CHM: variants seen among roughly 807,000 people sequenced by gnomAD.
CHM encodes CHM Rab escort protein, also known as rab proteins geranylgeranyltransferase component A 1.
CHM carries 10 observed loss-of-function variants against 49.0 expected under a neutral mutation model. The ratio of observed to expected loss-of-function variants is 0.20; its 90% CI spans 0.13 to 0.35. CHM has a LOEUF of 0.35. Among genes scored for constraint, CHM ranks in the 10% least tolerant of loss-of-function variants. The pLI, the probability that CHM is intolerant of heterozygous loss-of-function variation, is 1.00. For synonymous variants in CHM, 184 were observed against 167.5 expected, an observed-to-expected ratio of 1.10 and a Z score of -0.76; for missense variants, 455 against 478.4, an observed-to-expected ratio of 0.95 and a Z score of 0.46.
intron 11 of CHM, among the ~76,000 whole-genome samples, chrX:85,897,126 T>C (rs1181734251): frequency 5.9e-5 from 2 of 33,648 alleles, no homozygotes; most frequent in African/African-American, 3.4e-4. Flanking sequence ...GTATATATAA[T>C]ATATAAATAA....
At chrX:86,027,762 G>A (rs1933891342) in intron 1 of CHM, among the ~76,000 whole-genome samples, 1 of 111,180 alleles carries the variant, frequency 9.0e-6, no homozygotes, top group African/African-American at 3.3e-5. Flanking sequence ...ATTTTATTAT[G>A]TGGAAGACAT....
At chrX:86,036,925 T>C (rs1026048862) in intron 1 of CHM, among the ~76,000 whole-genome samples, 5 of 111,058 alleles carry the variant, frequency 4.5e-5, no homozygotes, top group Admixed American at 2.9e-4. Flanking sequence ...TACTTTATTC[T>C]ACTTTTTTAT....
rs187496542 is a variant in CHM at position 85,972,893 on chromosome X, G to A, written c.314+5874C>T. 1.2e-4 allele frequency among the ~76,000 whole-genome samples: 14 copies of A among 112,504 alleles called. No individual in the cohort carries two copies. In the East Asian group the frequency reaches 4.0e-3, roughly 32 times the overall value. On this transcript the variant is annotated intron_variant, in intron 4 of 14. Transcript: ENST00000357749. ...GGCGCCGAGAGCAAGCGAGGGCTCT[G>A]AGGACTGCCAGCACGCTGTCACCTC...
At position 85,864,096 on chromosome X, in the gene CHM, A is replaced by G. The variant is rs1298561585; in HGVS notation, c.*534T>C. 8.7e-6 allele frequency: 1 copy of G among 115,409 alleles called. No individual in the cohort carries two copies. Among genetic ancestry groups the G allele is most frequent in the East Asian group, 2.7e-4 (1 of 3,743 alleles). 9.5% of individuals were successfully genotyped at this position (115,409 alleles called of 1,213,427 possible). On this transcript the variant is annotated 3_prime_UTR_variant, in exon 15 of 15. Transcript: ENST00000357749. ...AAACACCTTTATATTAGCATTTTCA[A>G]TGCTTCTCAACATAGAAAGCAAAAC...
intron 13 of CHM, among the ~76,000 whole-genome samples, chrX:85,877,038 G>C (rs1924461274): frequency 9.0e-6 from 1 of 110,739 alleles, no homozygotes; most frequent in East Asian, 2.8e-4. Context: ...ACAAAGTATA[G>C]TTGTAGTTAA....
intron 14 of CHM, among the ~76,000 whole-genome samples, chrX:85,865,069 T>A (rs1923600873): frequency 9.0e-6 from 1 of 111,605 alleles, no homozygotes; most frequent in Non-Finnish European, 1.9e-5. Context: ...AGGTTCATTA[T>A]CAAGTGTTCA....
chrX:85,874,466 T>C (rs1021473496), intron 13 of CHM, among the ~76,000 whole-genome samples: 2 of 111,808 alleles, frequency 1.8e-5, no homozygotes, highest in Non-Finnish European at 3.8e-5. Context: ...TATTATTTAA[T>C]TGGTAATCAA....
chrX:85,966,638 TTTCAGCAAAAG>T (rs1214256119), intron 4 of CHM, among the ~76,000 whole-genome samples: 3 of 112,194 alleles, frequency 2.7e-5, no homozygotes, highest in Non-Finnish European at 5.6e-5. Context: ...AGGGGACAAT[TTTCAGCAAAAG>T]TTCCACACCT....
At chrX:85,919,064 A>C (rs749540234) in intron 8 of CHM, among the ~76,000 whole-genome samples, 5 of 112,038 alleles carry the variant, frequency 4.5e-5, no homozygotes, top group Non-Finnish European at 9.4e-5. Flanking sequence ...CATAGCAAAT[A>C]CTCTAAAATC....
Position 86,041,726 on chromosome X carries a change from G to GTATATATA in CHM, c.49+5750_49+5757dup, listed in dbSNP as rs3078104. 1.5e-3 allele frequency among the ~76,000 whole-genome samples: 122 copies of GTATATATA among 83,707 alleles called. 1 individual carries two copies. The highest frequency in any genetic ancestry group is 6.2e-3 in the Middle Eastern group (1 of 162). The allele number at this position is 83,707 out of a possible 115,157, so 72.7% of individuals were successfully genotyped here. A position where few individuals can be genotyped will look rare whatever the true frequency, so the allele number is the denominator to read the frequency against. On this transcript the variant is annotated intron_variant, in intron 1 of 14. Coordinates refer to ENST00000357749, the MANE Select transcript of CHM (RefSeq NM_000390.4). ...TATATGTTATATATATGGTGTGTGT[G>GTATATATA]TATATATATATATATATATATATAT...
At chrX:85,903,548 C>T in intron 9 of CHM, 1 of 384,059 alleles carries the variant, frequency 2.6e-6, no homozygotes, top group Non-Finnish European at 5.2e-6. Context: ...GGGAGCTCAA[C>T]CATACCAGGA....
chrX:85,942,975 T>C (rs1451507558), intron 8 of CHM, among the ~76,000 whole-genome samples: 1 of 97,347 alleles, frequency 1.0e-5, no homozygotes, highest in Non-Finnish European at 2.0e-5. Context: ...GTGTTCTCAT[T>C]GTTCAATTCC....
At chrX:86,042,120 A>G (rs1037988825) in intron 1 of CHM, among the ~76,000 whole-genome samples, 3 of 111,213 alleles carry the variant, frequency 2.7e-5, no homozygotes, top group Non-Finnish European at 5.6e-5. Context: ...CAACATCATC[A>G]TAAGTCAATG....
At chrX:85,904,039 A>T (rs1008474902) in intron 9 of CHM, among the ~76,000 whole-genome samples, 7 of 111,829 alleles carry the variant, frequency 6.3e-5, no homozygotes, top group African/African-American at 2.0e-4. Flanking sequence ...AACAATGAAT[A>T]AAAAAACATT....
At chrX:86,041,547 CAA>C (rs1404276285) in intron 1 of CHM, among the ~76,000 whole-genome samples, 1 of 108,334 alleles carries the variant, frequency 9.2e-6, no homozygotes, top group Non-Finnish European at 1.9e-5. Flanking sequence ...AGCTGGTGAA[CAA>C]AAGAGAAGAC....
chrX:85,913,940 G>C (rs1927289019), intron 8 of CHM, among the ~76,000 whole-genome samples: 1 of 111,104 alleles, frequency 9.0e-6, no homozygotes, highest in African/African-American at 3.3e-5. Flanking sequence ...AAGAATGCAG[G>C]CCCCAGGGCT....
intron 5 of CHM, among the ~76,000 whole-genome samples, chrX:85,960,038 T>G (rs1034946783): frequency 2.7e-5 from 3 of 111,541 alleles, no homozygotes; most frequent in Non-Finnish European, 5.6e-5. Flanking sequence ...TCATCCTGAT[T>G]AAATATGGCA....
At chrX:85,980,530 A>T (rs1294645814) in intron 3 of CHM, among the ~76,000 whole-genome samples, 2 of 112,261 alleles carry the variant, frequency 1.8e-5, no homozygotes, top group Admixed American at 1.9e-4. Context: ...CATTGATTAA[A>T]TCAATCAATC....
intron 2 of CHM, among the ~76,000 whole-genome samples, chrX:86,005,453 C>T (rs950960735): frequency 2.7e-5 from 3 of 111,101 alleles, no homozygotes; most frequent in African/African-American, 9.8e-5. Flanking sequence ...AAAAACCCTT[C>T]AAAAAAATCA....
Sources: allele counts gnomAD v4.1 joint callset (sites outside exome capture counted in the v4.1 genomes callset), GRCh38; gene constraint gnomAD v4.1.1; transcripts MANE v1.5; gene names NCBI Gene and HGNC (gene_info 2026-07-23, HGNC 2026-07-21).